The following DHX57 variants were observed in gnomAD, a reference collection of about 807,000 sequenced individuals.
DHX57 encodes the protein DExH-box helicase 57.
DHX57 carries 105 observed loss-of-function variants against 156.2 expected under a neutral mutation model. That is an observed-to-expected ratio of 0.67 (90% confidence interval 0.57 to 0.79). The LOEUF is 0.79. Among genes scored for constraint, DHX57 ranks in the 30% least tolerant of loss-of-function variants. The pLI is 0.00. For missense variants in DHX57, 1,847 were observed against 1,661.9 expected (o/e 1.11, Z -1.94); for synonymous variants, 704 against 595.6 (o/e 1.18, Z -2.65).
chr2:38,857,241 C>G (rs1186622619), intron 6 of DHX57: 1 of 152,990 alleles, frequency 6.5e-6, no homozygotes, highest in Non-Finnish European at 1.5e-5. Context: ...CCATATCAGA[C>G]AGCGTAGCTC....
chr2:38,872,713 G>T (rs1029974301), intron 1 of DHX57, among the ~76,000 whole-genome samples: 2 of 152,050 alleles, frequency 1.3e-5, no homozygotes, highest in African/African-American at 4.8e-5. Context: ...TAATAATAAG[G>T]CACCAAAATA....
chr2:38,842,868 G>T, intron 12 of DHX57, 137 bp downstream of exon 12: 1 of 876,848 alleles, frequency 1.1e-6, no homozygotes, highest in Non-Finnish European at 1.7e-6. Context: ...ATTTTTCTAG[G>T]TTTAAGGTTG....
rs373180701 is a variant in DHX57, at chr2:38,861,249, T to C, written c.1161A>G (p.Leu387=). ...TNENLPLACR[L]HISEFLYDKA... is the part of the protein sequence containing the mutation. The stretch of plus-strand genomic sequence containing the variant: ...TGTCATAAAGAAACTCAGAAATATG[T>C]AAACGACAAGCCAGAGGTAGGTTCT... Residue 387 remains leucine, a synonymous_variant, in exon 5 of 24, where the codon TTA becomes TTG. Transcript: ENST00000457308. 1.2e-6 allele frequency: 2 copies of C among 1,614,000 alleles called. No homozygotes were observed. Among genetic ancestry groups the C allele is most frequent in the African/African-American group, 1.3e-5 (1 of 74,906 alleles).
chr2:38,817,804 C>T (rs1270193131), intron 19 of DHX57, among the ~76,000 whole-genome samples: 2 of 152,046 alleles, frequency 1.3e-5, no homozygotes, highest in African/African-American at 2.4e-5. Context: ...CTCAAGTGAT[C>T]CTCCCACCTC....
chr2:38,855,091 G>C lies in DHX57; in HGVS notation c.1871C>G (p.Thr624Ser). 6.2e-7 allele frequency: 1 copy of C among 1,614,012 alleles called. No individual in the cohort carries two copies. The highest frequency in any genetic ancestry group is 8.5e-7 in the Non-Finnish European group (1 of 1,179,998). The change falls in exon 8 of 24, where the codon ACC becomes AGC. Residue 624 changes from threonine to serine, a missense_variant. Coordinates refer to ENST00000457308, the MANE Select transcript of DHX57 (RefSeq NM_198963.3). The part of the protein sequence containing the change: ...AKERAERVGL[T>S]VGYQIRLESV... ...TTCTAACCGAATCTGGTATCCCACG[G>C]TCAGACCCACCCTCTCTGCTCTTTC...
intron 14 of DHX57, 32 bp from the exon 15 acceptor site, chr2:38,826,721 T>C: frequency 6.3e-7 from 1 of 1,596,110 alleles, no homozygotes; most frequent in Non-Finnish European, 8.6e-7. Context: ...TGAAGTATTC[T>C]AGCACCTAGC....
chr2:38,827,906 G>C (rs1489968529), intron 14 of DHX57, among the ~76,000 whole-genome samples: 2 of 152,184 alleles, frequency 1.3e-5, no homozygotes, highest in East Asian at 1.9e-4. Flanking sequence ...GCCCGGGCTG[G>C]AGCGCAATGG....
intron 13 of DHX57, 92 bp from the exon 14 acceptor site, chr2:38,828,528 G>T (rs895981466): frequency 3.6e-6 from 3 of 831,444 alleles, no homozygotes; most frequent in Admixed American, 3.2e-5. Flanking sequence ...GATAAATGAA[G>T]TAAATGAAAA....
At chr2:38,826,462 T>A in intron 15 of DHX57, 54 bp downstream of exon 15, 2 of 1,578,960 alleles carry the variant, frequency 1.3e-6, no homozygotes, top group Non-Finnish European at 8.6e-7. Context: ...CAACGGTGTC[T>A]CCCTAAATGA....
chr2:38,865,367 C>T (rs1665015881), intron 2 of DHX57, among the ~76,000 whole-genome samples: 1 of 152,166 alleles, frequency 6.6e-6, no homozygotes, highest in Non-Finnish European at 1.5e-5. Flanking sequence ...TCCCCCTTTA[C>T]TTGGCTCTCA....
At chr2:38,809,245 G>A (rs908108911) in intron 21 of DHX57, among the ~76,000 whole-genome samples, 5 of 151,332 alleles carry the variant, frequency 3.3e-5, no homozygotes, top group Admixed American at 6.6e-5. Flanking sequence ...TCAGCCTCCC[G>A]AGTAGCTGGG....
At chr2:38,845,056 G>A (rs903092589) in intron 11 of DHX57, among the ~76,000 whole-genome samples, 43 of 152,040 alleles carry the variant, frequency 2.8e-4, no homozygotes, top group South Asian at 4.2e-4. Flanking sequence ...AATTAGCCAG[G>A]CATGGTGGCA....
At chr2:38,831,714 G>T (rs750935169) in intron 13 of DHX57, among the ~76,000 whole-genome samples, 1 of 151,794 alleles carries the variant, frequency 6.6e-6, no homozygotes, top group Admixed American at 6.6e-5. Context: ...AAAATTAGCC[G>T]GGCATGGTGG....
chr2:38,852,699 T>C (rs1672668100), intron 9 of DHX57, among the ~76,000 whole-genome samples: 1 of 151,134 alleles, frequency 6.6e-6, no homozygotes, highest in Non-Finnish European at 1.5e-5. Flanking sequence ...ACCACAGCCT[T>C]GCACTCCTGA....
At chr2:38,863,169 G>T in intron 3 of DHX57, 192 bp downstream of exon 3, 1 of 585,692 alleles carries the variant, frequency 1.7e-6, no homozygotes, top group Non-Finnish European at 2.8e-6. Context: ...CAATCCCATG[G>T]ATGTTGCAAA....
At chr2:38,826,133 C>G (rs1380816432) in intron 15 of DHX57, 86 bp from the exon 16 acceptor site, 1 of 1,372,190 alleles carries the variant, frequency 7.3e-7, no homozygotes, top group Non-Finnish European at 1.0e-6. Flanking sequence ...GATGAACCAG[C>G]TTCCTCCTGT....
chr2:38,819,024 C>A lies in DHX57; in HGVS notation c.3387+25G>T, dbSNP rs762359137. 18 of 1,614,020 alleles carry A rather than the reference C, an allele frequency of 1.1e-5. No homozygotes were observed. In the East Asian group the frequency reaches 2.2e-4, roughly 20 times the overall value. ...TTCAGTGCCAACACTGGTAATAAAA[C>A]TAAGCTATTAGGTTATATACTTACC... is the stretch of plus-strand genomic sequence containing the variant. On this transcript the variant is annotated intron_variant, in intron 18 of 23. Transcript: ENST00000457308.
At chr2:38,874,186 G>A (rs572165798) in intron 1 of DHX57, among the ~76,000 whole-genome samples, 4 of 151,836 alleles carry the variant, frequency 2.6e-5, no homozygotes, top group African/African-American at 9.7e-5. Context: ...CGATCTCCTA[G>A]GCTCAAGCAA....
chr2:38,814,956 G>A (rs1198479319), intron 20 of DHX57, among the ~76,000 whole-genome samples: 1 of 152,004 alleles, frequency 6.6e-6, no homozygotes, highest in Non-Finnish European at 1.5e-5. Context: ...TCCTGACCTT[G>A]AGTGATCTGC....
Sources: gnomAD v4.1 joint callset for allele counts (sites outside exome capture counted in the v4.1 genomes callset) on GRCh38, gnomAD v4.1.1 for gene constraint, MANE v1.5 for transcripts, NCBI Gene and HGNC (gene_info 2026-07-23, HGNC 2026-07-21) for gene names.